ANKHD1: variants seen among roughly 807,000 people sequenced by gnomAD.
The protein encoded by ANKHD1 is ankyrin repeat and KH domain containing 1.
In ANKHD1, 31 loss-of-function variants were observed where a neutral mutation model predicts 230.5. The ratio of observed to expected loss-of-function variants is 0.13; its 90% CI spans 0.10 to 0.18. The LOEUF (loss-of-function observed/expected upper bound fraction) is 0.18, where lower values mean the gene tolerates loss of function less well. ANKHD1 is among the 10% of genes least tolerant of loss of function. ANKHD1 has a pLI of 1.00. For missense variants in ANKHD1, 2,256 were observed against 3,071.3 expected, an observed-to-expected ratio of 0.73 and a Z score of 6.27; for synonymous variants, 1,074 against 1,117.6, an observed-to-expected ratio of 0.96 and a Z score of 0.78.
At chr5:140,519,161 G>T (rs1385730331) in intron 24 of ANKHD1, among the ~76,000 whole-genome samples, 1 of 152,126 alleles carries the variant, frequency 6.6e-6, no homozygotes, top group Non-Finnish European at 1.5e-5. Context: ...CAAATCATGA[G>T]TGAACTCCCA....
intron 17 of ANKHD1, 25 bp from the exon 18 acceptor site, chr5:140,505,699 T>C: frequency 1.3e-6 from 2 of 1,572,412 alleles, no homozygotes; most frequent in South Asian, 1.2e-5. Flanking sequence ...ATAAATTTGT[T>C]TAAGATTTTC....
Position 140,507,400 on chromosome 5 carries a change from G to T in ANKHD1, c.3552-385G>T, listed in dbSNP as rs958539014. 3.9e-5 allele frequency among the ~76,000 whole-genome samples: 6 copies of T among 152,142 alleles called. No individual in the cohort carries two copies. The highest frequency in any genetic ancestry group is 6.5e-5 in the Admixed American group (1 of 15,272). On this transcript the variant is annotated intron_variant, in intron 19 of 33. Coordinates refer to ENST00000360839, the MANE Select transcript of ANKHD1 (RefSeq NM_017747.3). The surrounding 1 kb of genome is among the most constrained non-coding windows in gnomAD (Gnocchi z 4.1). ...TTGGCTTACCGCGAACTCTGCCTCC[G>T]GGGTTCAAGCGATTCTTATGCCTCA...
At chr5:140,494,771 A>T (rs905067194) in intron 14 of ANKHD1, among the ~76,000 whole-genome samples, 8 of 152,168 alleles carry the variant, frequency 5.3e-5, no homozygotes, top group Non-Finnish European at 7.4e-5. Flanking sequence ...ATCATTTTTA[A>T]TACAATGGAT....
chr5:140,478,354 T>C (rs1751078549), intron 10 of ANKHD1, among the ~76,000 whole-genome samples: 1 of 150,586 alleles, frequency 6.6e-6, no homozygotes, highest in Admixed American at 6.6e-5. Flanking sequence ...AAGGCTTTTC[T>C]TTCTTTTTCT....
At chr5:140,470,238 G>A (rs1296366700) in intron 10 of ANKHD1, among the ~76,000 whole-genome samples, 1 of 149,802 alleles carries the variant, frequency 6.7e-6, no homozygotes, top group Non-Finnish European at 1.5e-5. Flanking sequence ...GATGTATCTT[G>A]TGTTAATTAT....
intron 24 of ANKHD1, among the ~76,000 whole-genome samples, chr5:140,516,276 C>T (rs1486275451): frequency 6.6e-6 from 1 of 152,098 alleles, no homozygotes; most frequent in Non-Finnish European, 1.5e-5. Context: ...AGCAAAGCCT[C>T]CAAGAAATAT....
intron 29 of ANKHD1, chr5:140,531,490 G>GGA: frequency 5.4e-6 from 1 of 186,746 alleles, no homozygotes; most frequent in South Asian, 7.0e-5. Context: ...CTGAGGCACA[G>GGA]GAATCACTTG....
intron 9 of ANKHD1, among the ~76,000 whole-genome samples, chr5:140,460,184 AT>A (rs1212105793): frequency 6.6e-6 from 1 of 152,182 alleles, no homozygotes; most frequent in African/African-American, 2.4e-5. Context: ...CAGAGTACTA[AT>A]TTTAAAAATA....
rs78327016 is a variant in ANKHD1 at position 140,444,884 on chromosome 5, A to G, written c.914-858A>G. ...AGATTTGCTTTTCTGGCCTTTTTAT[A>G]TTGTTCAGATCTTTATAACATATAG... is the stretch of plus-strand genomic sequence containing the variant. On this transcript the variant is annotated intron_variant, in intron 5 of 33. Transcript: ENST00000360839. Among the ~76,000 whole-genome samples the G allele has an allele frequency of 4.7e-3, 715 of 152,148 alleles. 6 individuals are homozygous for G. The highest frequency in any genetic ancestry group is 0.016 in the African/African-American group (671 of 41,518).
intron 30 of ANKHD1, chr5:140,536,014 G>A (rs1292822339): frequency 2.6e-5 from 4 of 151,860 alleles, no homozygotes; most frequent in African/African-American, 9.7e-5. Context: ...TGGTCAGTTT[G>A]GTGTGATTTC....
chr5:140,475,744 C>T (rs1750931638), intron 10 of ANKHD1, among the ~76,000 whole-genome samples: 1 of 152,008 alleles, frequency 6.6e-6, no homozygotes, highest in African/African-American at 2.4e-5. Context: ...AAATGGACTC[C>T]AAGAGCCAGA....
chr5:140,428,660 A>AGAGGGC (rs1014259253), intron 1 of ANKHD1, among the ~76,000 whole-genome samples: 101 of 152,230 alleles, frequency 6.6e-4, no homozygotes, highest in Non-Finnish European at 1.1e-3. Flanking sequence ...GGGGAGAGGG[A>AGAGGGC]GAGGGCGAGG....
At chr5:140,409,058 C>T (rs372022613) in intron 1 of ANKHD1, among the ~76,000 whole-genome samples, 6 of 152,150 alleles carry the variant, frequency 3.9e-5, no homozygotes, top group African/African-American at 9.7e-5. Context: ...ATTGTTCAGA[C>T]GTTGCCAAAT....
At chr5:140,438,674 G>A in intron 3 of ANKHD1, 57 bp downstream of exon 3, 1 of 1,471,612 alleles carries the variant, frequency 6.8e-7, no homozygotes. Context: ...TTTTGGGGAA[G>A]TAGCCAATTT....
At chr5:140,450,260 A>G (rs747856116) in intron 7 of ANKHD1, among the ~76,000 whole-genome samples, 1 of 151,374 alleles carries the variant, frequency 6.6e-6, no homozygotes. Flanking sequence ...CTCAAAACAT[A>G]ATGGCTTAAT....
intron 21 of ANKHD1, 103 bp from the exon 22 acceptor site, chr5:140,509,916 A>G: frequency 6.5e-7 from 1 of 1,544,686 alleles, no homozygotes; most frequent in Non-Finnish European, 8.7e-7. Context: ...TTGTTAAGAA[A>G]AGATTATTTG....
rs770776440 is a variant in ANKHD1 at position 140,529,036 on chromosome 5, A to G, written c.6090A>G (p.Lys2030=). 2 of 1,614,134 alleles carry G rather than the reference A, an allele frequency of 1.2e-6. No homozygotes were observed. The highest frequency in any genetic ancestry group is 2.2e-5 in the South Asian group (2 of 91,086). ...CTGCTGTGCCACCCACCAAAGAGAA[A>G]GTGTCCACACAGGACCAGCCCATGG... The part of the protein sequence containing the change: ...SFSAVPPTKE[K]VSTQDQPMAN... The change falls in exon 29 of 34, where the codon AAA becomes AAG. Residue 2030 remains lysine (K), a synonymous_variant. Transcript: ENST00000360839.
intron 29 of ANKHD1, among the ~76,000 whole-genome samples, chr5:140,532,497 G>C (rs1012516352): frequency 5.9e-5 from 9 of 152,040 alleles, no homozygotes; most frequent in African/African-American, 2.2e-4. Context: ...GTGTAGTGGC[G>C]TGATCATGGC....
Position 140,505,141 on chromosome 5 carries a change from C to T in ANKHD1, c.3170C>T (p.Thr1057Ile), listed in dbSNP as rs1432552965. 1 of 1,613,916 alleles carries T rather than the reference C, an allele frequency of 6.2e-7. No homozygotes were observed. The highest frequency in any genetic ancestry group is 8.5e-7 in the Non-Finnish European group (1 of 1,179,964). The change falls in exon 17 of 34, where the codon ACA (threonine) becomes ATA (isoleucine). Residue 1057 changes from threonine to isoleucine, a missense_variant. By Grantham distance (89) the Thr-to-Ile change is moderately conservative (BLOSUM62 -1). Coordinates refer to ENST00000360839, the MANE Select transcript of ANKHD1 (RefSeq NM_017747.3). ...TCCTAGACTGAGAGCAATCATGACA[C>T]AGCATTAACACTAGCTTGTGCAGGT... The part of the protein sequence containing the change: ...IDAHTESNHD[T>I]ALTLACAGGH...
Sources: gnomAD v4.1 joint callset for allele counts (sites outside exome capture counted in the v4.1 genomes callset) on GRCh38, gnomAD v4.1.1 for gene constraint, Gnocchi (gnomAD v3.1) non-coding constraint, MANE v1.5 for transcripts, NCBI Gene and HGNC (gene_info 2026-07-23, HGNC 2026-07-21) for gene names.